SPOCK3: variants seen among roughly 807,000 people sequenced by gnomAD.
SPOCK3 encodes the protein testican-3.
In SPOCK3, 30 loss-of-function variants were observed where a neutral mutation model predicts 56.6. The observed-to-expected ratio is 0.53, with a 90% confidence interval of 0.40 to 0.72. The LOEUF is 0.72. Among genes scored for constraint, SPOCK3 ranks in the 30% least tolerant of loss-of-function variants. The pLI, the probability that SPOCK3 is intolerant of heterozygous loss-of-function variation, is 0.00. For synonymous variants in SPOCK3, 196 were observed against 183.3 expected, an observed-to-expected ratio of 1.07 and a Z score of -0.56; for missense variants, 527 against 530.0, an observed-to-expected ratio of 0.99 and a Z score of 0.06.
chr4:167,172,052 C>A (rs1041488459), intron 2 of SPOCK3, among the ~76,000 whole-genome samples: 5 of 152,074 alleles, frequency 3.3e-5, no homozygotes, highest in Non-Finnish European at 5.9e-5. Context: ...ATGGGAAGGA[C>A]AGCAAAAGTC....
At chr4:167,069,611 C>A (rs553626006) in intron 2 of SPOCK3, among the ~76,000 whole-genome samples, 1 of 151,940 alleles carries the variant, frequency 6.6e-6, no homozygotes, top group South Asian at 2.1e-4. Flanking sequence ...ATAAAATATA[C>A]AAGATCTTGA....
chr4:166,736,718 C>T lies in SPOCK3; in HGVS notation c.1132+749G>A, dbSNP rs180759726. Among the ~76,000 whole-genome samples the T allele has an allele frequency of 9.4e-5, 14 of 149,492 alleles. 1 individual carries two copies. In the South Asian group the frequency reaches 1.7e-3, roughly 18 times the overall value. Reference sequence around the variant, plus strand: ...AATTCCTGGTGTGTGTGTGTGTGTGCGCGTGTGTGTGTCTACAATGAGGTG... The same window carrying T: ...AATTCCTGGTGTGTGTGTGTGTGTGTGCGTGTGTGTGTCTACAATGAGGTG... On this transcript the variant is annotated intron_variant, in intron 10 of 10. Coordinates refer to ENST00000357545, the MANE Select transcript of SPOCK3 (RefSeq NM_001040159.2).
At chr4:167,136,005 C>T (rs560768912) in intron 2 of SPOCK3, among the ~76,000 whole-genome samples, 1 of 152,224 alleles carries the variant, frequency 6.6e-6, no homozygotes, top group South Asian at 2.1e-4. Flanking sequence ...AATATCCCAC[C>T]TTTTAGCTAA....
chr4:167,140,131 C>T (rs900477344), intron 2 of SPOCK3, among the ~76,000 whole-genome samples: 1 of 152,008 alleles, frequency 6.6e-6, no homozygotes, highest in Non-Finnish European at 1.5e-5. Context: ...CCGGATGGAG[C>T]CATCTTACCT....
At chr4:166,752,571 TATACACACACACACACACAC>T (rs1424973283) in intron 8 of SPOCK3, among the ~76,000 whole-genome samples, 2 of 13,306 alleles carry the variant, frequency 1.5e-4, no homozygotes, top group African/African-American at 5.4e-4. Flanking sequence ...TATATATATA[TATACACACACACACACACAC>T]ACACACACAC....
At chr4:167,227,652 A>G (rs1265508526) in intron 2 of SPOCK3, among the ~76,000 whole-genome samples, 1 of 152,178 alleles carries the variant, frequency 6.6e-6, no homozygotes, top group African/African-American at 2.4e-5. Flanking sequence ...TAAATGAAAA[A>G]AGACATATAA....
chr4:167,007,414 T>TA (rs1429935321), intron 3 of SPOCK3, among the ~76,000 whole-genome samples: 1 of 152,220 alleles, frequency 6.6e-6, no homozygotes, highest in Non-Finnish European at 1.5e-5. Flanking sequence ...ATATTTATTT[T>TA]ATCAGTATTT....
At chr4:167,007,589 G>A (rs1749589181) in intron 3 of SPOCK3, among the ~76,000 whole-genome samples, 1 of 152,062 alleles carries the variant, frequency 6.6e-6, no homozygotes, top group South Asian at 2.1e-4. Context: ...CCATCTGGCT[G>A]CAAAGAAGTC....
chr4:167,224,983 C>T (rs1317517881), intron 2 of SPOCK3, among the ~76,000 whole-genome samples: 1 of 152,078 alleles, frequency 6.6e-6, no homozygotes, highest in East Asian at 1.9e-4. Flanking sequence ...CTTTTCTATA[C>T]TGAAATAGCA....
intron 7 of SPOCK3, among the ~76,000 whole-genome samples, chr4:166,777,377 T>G (rs1739675756): frequency 6.6e-6 from 1 of 152,206 alleles, no homozygotes; most frequent in African/African-American, 2.4e-5. Flanking sequence ...TGTACATGTA[T>G]ACCAGAGGCA....
At chr4:166,836,517 G>A (rs966976811) in intron 6 of SPOCK3, among the ~76,000 whole-genome samples, 1 of 152,166 alleles carries the variant, frequency 6.6e-6, no homozygotes, top group African/African-American at 2.4e-5. Flanking sequence ...TGAATCTACT[G>A]ACATATTTTT....
chr4:167,222,828 T>C (rs1469991218), intron 2 of SPOCK3, among the ~76,000 whole-genome samples: 1 of 127,566 alleles, frequency 7.8e-6, no homozygotes, highest in African/African-American at 3.1e-5. Context: ...TATATAAACA[T>C]AGATATATAT....
chr4:167,051,218 C>T (rs1754168856), intron 3 of SPOCK3, among the ~76,000 whole-genome samples: 1 of 152,098 alleles, frequency 6.6e-6, no homozygotes, highest in Admixed American at 6.6e-5. Context: ...TCAAAACATT[C>T]AGGGATCAAG....
At chr4:167,176,142 G>C in intron 2 of SPOCK3, among the ~76,000 whole-genome samples, 1 of 152,004 alleles carries the variant, frequency 6.6e-6, no homozygotes, top group East Asian at 1.9e-4. Context: ...CTCTTTATCT[G>C]ACTCTGACCC....
chr4:167,230,520 A>G (rs75182538), intron 2 of SPOCK3, among the ~76,000 whole-genome samples: 2 of 150,204 alleles, frequency 1.3e-5, no homozygotes, highest in Non-Finnish European at 3.0e-5. Context: ...AAAAAAAAAA[A>G]CCAGCATGTA....
intron 2 of SPOCK3, among the ~76,000 whole-genome samples, chr4:167,213,904 A>G (rs2111049515): frequency 6.6e-6 from 1 of 152,276 alleles, no homozygotes; most frequent in Non-Finnish European, 1.5e-5. Flanking sequence ...CACACAGATG[A>G]CTTAATCTAT....
intron 5 of SPOCK3, among the ~76,000 whole-genome samples, chr4:166,892,620 G>C (rs900140974): frequency 2.0e-4 from 31 of 151,920 alleles, no homozygotes; most frequent in African/African-American, 7.5e-4. Flanking sequence ...AAAGGTATAT[G>C]TGAACTAAAA....
At position 167,114,818 on chromosome 4, in the gene SPOCK3, C is replaced by T. The variant is rs75372825; in HGVS notation, c.190-52281G>A. 5.8e-3 allele frequency among the ~76,000 whole-genome samples: 880 copies of T among 151,908 alleles called. 6 individuals carry two copies. Among genetic ancestry groups the T allele is most frequent in the African/African-American group, 0.02 (821 of 41,416 alleles). On this transcript the variant is annotated intron_variant, in intron 2 of 10. Coordinates refer to ENST00000357545, the MANE Select transcript of SPOCK3 (RefSeq NM_001040159.2). ...TAAGGTGCTATGTTTCCACGTTAAC[C>T]ATGTGCTAAAGATAGTGTCTCATTC...
chr4:166,883,961 G>C (rs1046963249), intron 6 of SPOCK3, among the ~76,000 whole-genome samples: 3 of 152,120 alleles, frequency 2.0e-5, no homozygotes, highest in African/African-American at 7.2e-5. Context: ...AGATCACCTA[G>C]AAAAGCTGTT....
Sources: gnomAD v4.1 joint callset for allele counts (sites outside exome capture counted in the v4.1 genomes callset) on GRCh38, gnomAD v4.1.1 for gene constraint, MANE v1.5 for transcripts, NCBI Gene and HGNC (gene_info 2026-07-23, HGNC 2026-07-21) for gene names.